The following CHD1L variants were observed in gnomAD, a reference collection of about 807,000 sequenced individuals.
The protein encoded by CHD1L is ATP-dependent chromatin remodeler CHD1L.
CHD1L carries 118 observed loss-of-function variants against 115.9 expected under a neutral mutation model. That is an observed-to-expected ratio of 1.02 (90% CI 0.88 to 1.19). The LOEUF (loss-of-function observed/expected upper bound fraction) is 1.19, where lower values mean the gene tolerates loss of function less well. Among genes scored for constraint, CHD1L ranks in the 50% most tolerant of loss-of-function variants. CHD1L has a pLI of 0.00. For missense variants in CHD1L, 1,179 were observed against 1,065.3 expected, an observed-to-expected ratio of 1.11 and a Z score of -1.49; for synonymous variants, 411 against 387.1, an observed-to-expected ratio of 1.06 and a Z score of -0.72.
chr1:147,178,072 G>T, the CHD1L span: 1 of 1,208,782 alleles, frequency 8.3e-7, no homozygotes, highest in South Asian at 1.5e-5. Flanking sequence ...AGTCCCAGTC[G>T]AGCCGCGACC....
intron 15 of CHD1L, among the ~76,000 whole-genome samples, chr1:147,281,852 G>A (rs1054204572): frequency 6.6e-6 from 1 of 151,672 alleles, no homozygotes; most frequent in Non-Finnish European, 1.5e-5. Context: ...TATTTATCAT[G>A]TACAACATGA....
intron 11 of CHD1L, 125 bp from the exon 12 acceptor site, chr1:147,272,046 A>C: frequency 1.6e-6 from 1 of 619,264 alleles, no homozygotes; most frequent in South Asian, 2.6e-5. Context: ...GGATTTGCTT[A>C]AAGTAGGGCT....
the CHD1L span, among the ~76,000 whole-genome samples, chr1:147,196,171 C>G: frequency 1.3e-5 from 2 of 152,252 alleles, no homozygotes; most frequent in South Asian, 4.1e-4. Context: ...TAAGCATACT[C>G]TAATAACTAT....
the CHD1L span, chr1:147,213,492 A>G: frequency 6.3e-7 from 1 of 1,576,914 alleles, no homozygotes; most frequent in East Asian, 2.3e-5. Flanking sequence ...AGTGATAACC[A>G]CAGGGGACAT....
intron 22 of CHD1L, 92 bp downstream of exon 22, chr1:147,294,609 T>C: frequency 1.1e-6 from 1 of 938,446 alleles, no homozygotes; most frequent in Non-Finnish European, 1.6e-6. Context: ...CAAGACCAAG[T>C]TTCTTCCTGC....
At chr1:147,293,386 AAAG>A (rs1434366727) in intron 20 of CHD1L, among the ~76,000 whole-genome samples, 2 of 152,210 alleles carry the variant, frequency 1.3e-5, no homozygotes, top group Admixed American at 6.5e-5. Flanking sequence ...AGTATTTTAA[AAAG>A]AAGAAGAAAA....
At chr1:147,251,205 G>A (rs139199892) in intron 1 of CHD1L, among the ~76,000 whole-genome samples, 2 of 152,258 alleles carry the variant, frequency 1.3e-5, no homozygotes, top group African/African-American at 4.8e-5. Flanking sequence ...TACATCAGTT[G>A]GTGTTTCCAG....
chr1:147,209,387 A>T, the CHD1L span, among the ~76,000 whole-genome samples: 2 of 150,130 alleles, frequency 1.3e-5, no homozygotes, highest in African/African-American at 2.5e-5. Context: ...GCAGTGAGCC[A>T]AGATCGCACC....
At chr1:147,198,622 A>G in the CHD1L span, among the ~76,000 whole-genome samples, 1 of 152,050 alleles carries the variant, frequency 6.6e-6, no homozygotes, top group Non-Finnish European at 1.5e-5. Context: ...AGGCTGAGGC[A>G]GGCGGATCAC....
At chr1:147,204,395 C>G in the CHD1L span, 3 of 1,103,032 alleles carry the variant, frequency 2.7e-6, no homozygotes, top group Admixed American at 3.4e-5. Flanking sequence ...ATAAGCTTGG[C>G]CAGAAATACT....
At chr1:147,235,675 G>T in the CHD1L span, among the ~76,000 whole-genome samples, 1 of 152,160 alleles carries the variant, frequency 6.6e-6, no homozygotes, top group Non-Finnish European at 1.5e-5. Flanking sequence ...AAAAAAAATG[G>T]CTTTGGATTC....
At chr1:147,179,166 G>A in the CHD1L span, 41 of 1,613,974 alleles carry the variant, frequency 2.5e-5, no homozygotes, top group Non-Finnish European at 3.4e-5. Flanking sequence ...CTCTGGAGAG[G>A]TTCCTGCAGG....
chr1:147,284,391 A>C lies in CHD1L; in HGVS notation c.1746A>C (p.Lys582Asn), dbSNP rs1466245306. 6.2e-7 allele frequency: 1 copy of C among 1,600,564 alleles called. No individual in the cohort carries two copies. The highest frequency in any genetic ancestry group is 8.5e-7 in the Non-Finnish European group (1 of 1,173,080). The change falls in exon 16 of 23, where the codon AAA (lysine) becomes AAC (asparagine). Residue 582 changes from lysine (K) to asparagine (N), a missense_variant. Transcript: ENST00000369258. ...MYLFEGKDYS[K>N]EPSKEDRKSF... The stretch of plus-strand genomic sequence containing the variant: ...TATTTGAAGGTAAAGATTATTCTAA[A>C]GAGCCCAGTAAGGAAGACAGAAAAT...
In CHD1L at chr1:147,267,509, T is replaced by C. The variant is rs984219372; in HGVS notation, c.979T>C (p.Leu327=). ...QLRKCVDHPY[L]FDGVEPEPFE... ...TCGAAAGTGTGTGGATCACCCATATTTGTTTGATGGTGAGACAGTGCCTTT... is the reference window on the plus strand; with the variant it reads ...TCGAAAGTGTGTGGATCACCCATATCTGTTTGATGGTGAGACAGTGCCTTT... The change falls in exon 9 of 23, where the codon TTG becomes CTG. Residue 327 remains leucine (L), a synonymous_variant. Coordinates refer to ENST00000369258, the MANE Select transcript of CHD1L (RefSeq NM_004284.6). 6.2e-7 allele frequency: 1 copy of C among 1,611,800 alleles called. No homozygotes were observed. The highest frequency in any genetic ancestry group is 1.3e-5 in the African/African-American group (1 of 74,936).
chr1:147,241,989 T>G (rs1553931176), upstream of CHD1L, among the ~76,000 whole-genome samples: 1 of 152,162 alleles, frequency 6.6e-6, no homozygotes, highest in African/African-American at 2.4e-5. Flanking sequence ...CACCCAGAAC[T>G]TCATCAATAA....
At chr1:147,198,506 G>A in the CHD1L span, among the ~76,000 whole-genome samples, 1 of 152,064 alleles carries the variant, frequency 6.6e-6, no homozygotes, top group Non-Finnish European at 1.5e-5. Context: ...TAGTGGGTAC[G>A]TCATCCAGTG....
the CHD1L span, among the ~76,000 whole-genome samples, chr1:147,216,750 C>T: frequency 6.6e-6 from 1 of 152,100 alleles, no homozygotes; most frequent in African/African-American, 2.4e-5. Flanking sequence ...CTGGGGCTTC[C>T]CTTGAGAGAT....
Position 147,247,922 on chromosome 1 carries a change from C to T in CHD1L, c.128-4701C>T, listed in dbSNP as rs115016736. ...GCTGTTAAAGTTTCTCCGAATGATG[C>T]ATGTGATTAGATTGTATGTCCATTG... On this transcript the variant is annotated intron_variant, in intron 1 of 22. Coordinates refer to ENST00000369258, the MANE Select transcript of CHD1L (RefSeq NM_004284.6). Among the ~76,000 whole-genome samples the T allele has an allele frequency of 9.4e-3, 1,432 of 152,294 alleles. 24 individuals carry two copies. The highest frequency in any genetic ancestry group is 0.033 in the African/African-American group (1,359 of 41,552).
chr1:147,219,174 C>T, the CHD1L span, among the ~76,000 whole-genome samples: 1 of 151,974 alleles, frequency 6.6e-6, no homozygotes, highest in Non-Finnish European at 1.5e-5. Context: ...TTAAAAATGG[C>T]GTATGATATA....
Sources: allele counts gnomAD v4.1 joint callset (sites outside exome capture counted in the v4.1 genomes callset), GRCh38; gene constraint gnomAD v4.1.1; transcripts MANE v1.5; gene names NCBI Gene and HGNC (gene_info 2026-07-23, HGNC 2026-07-21).